Variants in FRMPD2 observed in about 807,000 individuals in gnomAD.
FRMPD2 encodes FERM and PDZ domain containing 2, also known as FERM and PDZ domain-containing protein 2.
Under a neutral mutation model 140.1 loss-of-function variants are expected in FRMPD2, and 96 were observed. That is an observed-to-expected ratio of 0.69 (90% CI 0.58 to 0.81). The LOEUF is 0.81. Among genes scored for constraint, FRMPD2 ranks in the 40% least tolerant of loss-of-function variants. The pLI, the probability that FRMPD2 is intolerant of heterozygous loss-of-function variation, is 0.00. For missense variants in FRMPD2, 1,240 were observed against 1,447.4 expected (o/e 0.86, Z 2.32); for synonymous variants, 449 against 547.6 (o/e 0.82, Z 2.52).
At chr10:48,192,986 C>T (rs897790369) in intron 15 of FRMPD2, 92 bp from the exon 16 acceptor site, 19 of 906,842 alleles carry the variant, frequency 2.1e-5, no homozygotes, top group East Asian at 1.7e-4. Context: ...ACTGGGCCCC[C>T]GCTCTCCTCC....
At chr10:48,243,444 G>A (rs2131951894) in intron 4 of FRMPD2, among the ~76,000 whole-genome samples, 1 of 152,316 alleles carries the variant, frequency 6.6e-6, no homozygotes, top group Non-Finnish European at 1.5e-5. Context: ...GGGGCCTGGG[G>A]GAAAATAGCA....
chr10:48,273,225 T>C (rs1279844437), intron 1 of FRMPD2, among the ~76,000 whole-genome samples: 2 of 152,172 alleles, frequency 1.3e-5, no homozygotes, highest in South Asian at 2.1e-4. Context: ...CTGTCATCAT[T>C]CCAGGTTTCA....
intron 1 of FRMPD2, among the ~76,000 whole-genome samples, chr10:48,271,264 TG>T (rs1218833429): frequency 8.5e-5 from 13 of 152,330 alleles, no homozygotes; most frequent in African/African-American, 2.9e-4. Context: ...CTTCCCCCAC[TG>T]GCTGAATGAC....
chr10:48,195,486 A>G (rs1838930364), intron 15 of FRMPD2, among the ~76,000 whole-genome samples: 1 of 152,212 alleles, frequency 6.6e-6, no homozygotes, highest in Non-Finnish European at 1.5e-5. Flanking sequence ...CTTCAAATGA[A>G]CAAAGATAAA....
In FRMPD2 at chr10:48,240,412, T is replaced by G; in HGVS notation, c.648A>C (p.Thr216=). The change falls in exon 6 of 29, where the codon ACA becomes ACC. Residue 216 remains threonine (T), a synonymous_variant. Coordinates refer to ENST00000374201, the MANE Select transcript of FRMPD2 (RefSeq NM_001018071.4). ...SYLLRKRLRG[T]SSESPAAQAP... ...CCTGTGCCGCTGGGCTCTCGCTGCTTGTCCCACGCAGCCTCTTCCTGAGCA... is the reference window on the plus strand; with the variant it reads ...CCTGTGCCGCTGGGCTCTCGCTGCTGGTCCCACGCAGCCTCTTCCTGAGCA... 6.2e-7 allele frequency: 1 copy of G among 1,613,554 alleles called. No individual in the cohort carries two copies.
Position 48,240,348 on chromosome 10 carries a change from G to A in FRMPD2, c.700+12C>T. On this transcript the variant is annotated intron_variant, in intron 6 of 28. Transcript: ENST00000374201. ...TCAGCCCACGCAGGGACTGCTTAGGGCACGTACCCACCTCTGCAAGGATGC... is the reference window on the plus strand; with the variant it reads ...TCAGCCCACGCAGGGACTGCTTAGGACACGTACCCACCTCTGCAAGGATGC... 3 of 1,609,944 alleles carry A rather than the reference G, an allele frequency of 1.9e-6. No individual in the cohort carries two copies. The highest frequency in any genetic ancestry group is 2.5e-6 in the Non-Finnish European group (3 of 1,179,850).
chr10:48,251,526 C>A lies in FRMPD2; in HGVS notation c.151+40G>T, dbSNP rs754922331. Reference sequence around the variant, plus strand: ...GTGTTTGTGTGGGAAGCTTCACATACAACTCCCTGTGATTTGACTGCCCCC... The same window carrying A: ...GTGTTTGTGTGGGAAGCTTCACATAAAACTCCCTGTGATTTGACTGCCCCC... On this transcript the variant is annotated intron_variant, in intron 2 of 28. Transcript: ENST00000374201. 10 of 1,609,400 alleles carry A rather than the reference C, an allele frequency of 6.2e-6. No individual in the cohort carries two copies. The East Asian group carries it at 2.0e-4, about 32-fold the overall frequency.
At chr10:48,257,527 T>C (rs1840512591) in intron 1 of FRMPD2, among the ~76,000 whole-genome samples, 1 of 152,134 alleles carries the variant, frequency 6.6e-6, no homozygotes, top group African/African-American at 2.4e-5. Context: ...TGATCCGCTC[T>C]CCTCAGCCTC....
At chr10:48,200,697 A>G (rs895362380) in intron 15 of FRMPD2, among the ~76,000 whole-genome samples, 1 of 152,222 alleles carries the variant, frequency 6.6e-6, no homozygotes, top group Non-Finnish European at 1.5e-5. Context: ...CAGTCTTAGA[A>G]CTTCCTTTTC....
intron 12 of FRMPD2, among the ~76,000 whole-genome samples, chr10:48,213,902 G>A (rs1462724861): frequency 6.6e-6 from 1 of 152,196 alleles, no homozygotes; most frequent in Non-Finnish European, 1.5e-5. Context: ...TACAAATTGA[G>A]TAATTCTTGT....
intron 15 of FRMPD2, 87 bp from the exon 16 acceptor site, chr10:48,192,981 G>A (rs1838870432): frequency 6.1e-6 from 6 of 977,452 alleles, no homozygotes; most frequent in Admixed American, 3.5e-5. Flanking sequence ...ATATCACTGG[G>A]CCCCCGCTCT....
intron 24 of FRMPD2, among the ~76,000 whole-genome samples, chr10:48,174,335 A>G (rs1475136999): frequency 6.6e-6 from 1 of 152,216 alleles, no homozygotes; most frequent in Non-Finnish European, 1.5e-5. Context: ...TAAAGGGGAC[A>G]TAAAGGATGA....
intron 28 of FRMPD2, among the ~76,000 whole-genome samples, chr10:48,159,963 C>T (rs1298649694): frequency 1.3e-5 from 2 of 151,460 alleles, no homozygotes; most frequent in African/African-American, 4.9e-5. Flanking sequence ...CAGCATGGCC[C>T]ATAAATGCAA....
intron 1 of FRMPD2, among the ~76,000 whole-genome samples, chr10:48,255,619 G>A (rs1310762485): frequency 6.6e-6 from 1 of 152,214 alleles, no homozygotes; most frequent in African/African-American, 2.4e-5. Context: ...CAACGAGAAG[G>A]TAAGCAAATA....
Position 48,240,632 on chromosome 10 carries a change from A to G in FRMPD2, c.568-140T>C, listed in dbSNP as rs1410177980. On this transcript the variant is annotated intron_variant, in intron 5 of 28. Transcript: ENST00000374201. ...GTGACCTAAAGATGTGTTCTCTGGC[A>G]CCCAGAATGTGCTCTGTGCCCACCC... 22 of 1,196,430 alleles carry G rather than the reference A, an allele frequency of 1.8e-5. No individual in the cohort carries two copies. The East Asian group carries it at 5.5e-4, about 30-fold the overall frequency. The allele number at this position is 1,196,430 out of a possible 1,614,324, so 74.1% of individuals were successfully genotyped here.
rs374483165 is a variant in FRMPD2, at chr10:48,192,914, C to T, written c.1955-20G>A. On this transcript the variant is annotated intron_variant, in intron 15 of 28. Transcript: ENST00000374201. ...CATGGTCTGAATTTGGGGAGAAAAA[C>T]ATAGACATACACACACACAAGAATG... is the stretch of plus-strand genomic sequence containing the variant. 6.4e-7 allele frequency: 1 copy of T among 1,555,610 alleles called. No individual in the cohort carries two copies. The highest frequency in any genetic ancestry group is 1.7e-5 in the Admixed American group (1 of 59,926).
chr10:48,241,675 G>A (rs1840114991), intron 5 of FRMPD2, among the ~76,000 whole-genome samples: 1 of 152,196 alleles, frequency 6.6e-6, no homozygotes, highest in African/African-American at 2.4e-5. Flanking sequence ...GCACTCTGTG[G>A]AGTGCACAGG....
At chr10:48,224,464 G>A (rs1469221298) in intron 10 of FRMPD2, among the ~76,000 whole-genome samples, 1 of 152,066 alleles carries the variant, frequency 6.6e-6, no homozygotes, top group African/African-American at 2.4e-5. Flanking sequence ...GTGGGGAGGG[G>A]GTGTCCAGGA....
rs547511352 is a variant in FRMPD2, at chr10:48,172,832, G to A, written c.3223+114C>T. The A allele has an allele frequency of 7.6e-4, 633 of 832,864 alleles. 4 individuals carry two copies. In the African/African-American group the frequency reaches 9.1e-3, roughly 12 times the overall value. 51.6% of individuals were successfully genotyped at this position (832,864 alleles called of 1,614,324 possible). A position where few individuals can be genotyped will look rare whatever the true frequency, so the allele number is the denominator to read the frequency against. On this transcript the variant is annotated intron_variant, in intron 25 of 28. Coordinates refer to ENST00000374201, the MANE Select transcript of FRMPD2 (RefSeq NM_001018071.4). ...GATCTCAGCATGATCACTATGGCTC[G>A]CTTTCTTTTCAGGACCCAGAGGAAG...
Sources: allele counts gnomAD v4.1 joint callset (sites outside exome capture counted in the v4.1 genomes callset), GRCh38; gene constraint gnomAD v4.1.1; transcripts MANE v1.5; gene names NCBI Gene and HGNC (gene_info 2026-07-23, HGNC 2026-07-21).